IRAG2: variants seen among roughly 807,000 people sequenced by gnomAD.
IRAG2 encodes lymphoid restricted membrane protein.
In IRAG2, 45 loss-of-function variants were observed where a neutral mutation model predicts 69.9. The ratio of observed to expected loss-of-function variants is 0.64; its 90% CI spans 0.51 to 0.83. The LOEUF (loss-of-function observed/expected upper bound fraction) is 0.83, where lower values mean the gene tolerates loss of function less well. Among genes scored for constraint, IRAG2 ranks in the 40% least tolerant of loss-of-function variants. The pLI, the probability that IRAG2 is intolerant of heterozygous loss-of-function variation, is 0.00. For missense variants in IRAG2, 520 were observed against 587.0 expected, an observed-to-expected ratio of 0.89 and a Z score of 1.18; for synonymous variants, 193 against 202.4, an observed-to-expected ratio of 0.95 and a Z score of 0.40.
chr12:25,037,566 T>C (rs1048881692), intron 15 of IRAG2, among the ~76,000 whole-genome samples: 1 of 152,218 alleles, frequency 6.6e-6, no homozygotes, highest in Non-Finnish European at 1.5e-5. Context: ...CCCAAAGTGC[T>C]GGGATTACAG....
At chr12:25,029,935 A>C (rs923405711) in intron 9 of IRAG2, among the ~76,000 whole-genome samples, 1 of 152,180 alleles carries the variant, frequency 6.6e-6, no homozygotes, top group Admixed American at 6.5e-5. Context: ...ATTTTCACCA[A>C]AAAAGTGAAG....
chr12:25,030,806 G>A (rs1944662762), intron 10 of IRAG2, among the ~76,000 whole-genome samples: 1 of 152,222 alleles, frequency 6.6e-6, no homozygotes, highest in Non-Finnish European at 1.5e-5. Flanking sequence ...ACAAATATTA[G>A]TGTGCCAATC....
intron 9 of IRAG2, among the ~76,000 whole-genome samples, chr12:25,028,391 TTTTA>T (rs1230720175): frequency 2.6e-5 from 4 of 152,208 alleles, no homozygotes; most frequent in Admixed American, 6.5e-5. Flanking sequence ...TTGTGTCTGA[TTTTA>T]TTTATTTCTA....
chr12:25,055,496 T>C (rs1234772860), intron 1 of IRAG2, among the ~76,000 whole-genome samples: 1 of 152,246 alleles, frequency 6.6e-6, no homozygotes, highest in Admixed American at 6.5e-5. Flanking sequence ...CTAGGGTACA[T>C]GTGTACAACG....
chr12:25,088,754 G>T (rs941412023), intron 11 of IRAG2, among the ~76,000 whole-genome samples: 4 of 152,190 alleles, frequency 2.6e-5, no homozygotes, highest in African/African-American at 9.7e-5. Flanking sequence ...AATACTATGT[G>T]AGGTGGTAAA....
chr12:25,063,224 G>A (rs761443720), intron 3 of IRAG2, among the ~76,000 whole-genome samples: 8 of 152,070 alleles, frequency 5.3e-5, no homozygotes, highest in African/African-American at 9.7e-5. Flanking sequence ...CACCACGCCC[G>A]GCTAATTTTT....
At chr12:25,041,745 G>A (rs1944751374) in intron 16 of IRAG2, among the ~76,000 whole-genome samples, 1 of 147,254 alleles carries the variant, frequency 6.8e-6, no homozygotes, top group Non-Finnish European at 1.5e-5. Flanking sequence ...GGTCTCAAGT[G>A]ATCTGCCCAC....
chr12:25,031,971 T>G (rs1406795424), intron 10 of IRAG2, among the ~76,000 whole-genome samples: 77 of 152,242 alleles, frequency 5.1e-4, no homozygotes, highest in Non-Finnish European at 1.5e-5. Context: ...CGTCCTTGTG[T>G]GTTTTTAATC....
chr12:25,012,143 C>CTTTTTTTTTTTTTTTTTT lies in IRAG2; in HGVS notation c.896+592_896+593insTTTTTTTTTTTTTTTTTT, dbSNP rs1944480147. 8.3e-5 allele frequency among the ~76,000 whole-genome samples: 2 copies of CTTTTTTTTTTTTTTTTTT among 24,096 alleles called. 1 individual carries two copies. 15.8% of individuals were successfully genotyped at this position (24,096 alleles called of 152,430 possible). On this transcript the variant is annotated intron_variant, in intron 3 of 38. Transcript: ENST00000636465. ...GTCTTCTTCCACAGAAAGCGAATTC[C>CTTTTTTTTTTTTTTTTTT]CTTTTTTTTTTTTTTTTTTTTTTTT...
chr12:25,046,053 A>T (rs770033958), intron 16 of IRAG2, among the ~76,000 whole-genome samples: 4 of 152,124 alleles, frequency 2.6e-5, no homozygotes, highest in Admixed American at 6.5e-5. Flanking sequence ...GGATGCAAGG[A>T]TGGTTCAATA....
At chr12:25,031,699 G>A (rs533704724) in intron 10 of IRAG2, among the ~76,000 whole-genome samples, 20 of 151,992 alleles carry the variant, frequency 1.3e-4, no homozygotes, top group Admixed American at 3.3e-4. Context: ...TTTCACTCTT[G>A]TTGCCCAGGC....
chr12:25,008,997 T>G lies in IRAG2; in HGVS notation c.689-2347T>G, dbSNP rs146790187. On this transcript the variant is annotated intron_variant, in intron 2 of 38. Transcript: ENST00000636465. ...AATCCATGTCAATTGGATATTAATT[T>G]TTTCTGCTTTAAAAATTATAATATG... Among the ~76,000 whole-genome samples the G allele has an allele frequency of 8.7e-4, 133 of 152,248 alleles. 1 individual carries two copies. Among genetic ancestry groups the G allele is most frequent in the African/African-American group, 3.0e-3 (125 of 41,552 alleles).
intron 2 of IRAG2, among the ~76,000 whole-genome samples, chr12:25,009,299 C>G (rs1201342205): frequency 6.6e-6 from 1 of 152,196 alleles, no homozygotes; most frequent in Admixed American, 6.5e-5. Flanking sequence ...GAGTGAGACT[C>G]TGTCTCAAAA....
chr12:25,031,089 C>T, intron 10 of IRAG2: 1 of 984,044 alleles, frequency 1.0e-6, no homozygotes, highest in Non-Finnish European at 1.2e-6. Context: ...CTTCCACAGT[C>T]CAAAACAGAG....
At chr12:25,029,677 T>A (rs1382222885) in intron 9 of IRAG2, among the ~76,000 whole-genome samples, 4 of 152,288 alleles carry the variant, frequency 2.6e-5, no homozygotes, top group African/African-American at 9.6e-5. Flanking sequence ...GTTTTTTTTT[T>A]TTATTTAAAT....
intron 9 of IRAG2, 67 bp from the exon 10 acceptor site, chr12:25,083,356 A>T: frequency 3.1e-6 from 3 of 966,652 alleles, no homozygotes; most frequent in Non-Finnish European, 5.1e-6. Context: ...TGCCACTCTC[A>T]CTGTTTCCTC....
intron 6 of IRAG2, 150 bp from the exon 7 acceptor site, chr12:25,079,094 C>A: frequency 1.4e-6 from 1 of 707,716 alleles, no homozygotes. Flanking sequence ...ATCCATCTGC[C>A]CTATACCATC....
At chr12:25,079,869 T>C (rs990470380) in intron 9 of IRAG2, 106 bp downstream of exon 9, 12 of 649,914 alleles carry the variant, frequency 1.8e-5, no homozygotes, top group Non-Finnish European at 2.6e-5. Flanking sequence ...TTATTTAATT[T>C]TTTTTGTAAA....
chr12:25,013,866 CTTTTTTTT>C (rs71063386), intron 3 of IRAG2, among the ~76,000 whole-genome samples: 7 of 79,530 alleles, frequency 8.8e-5, no homozygotes, highest in African/African-American at 3.0e-4. Context: ...TTTTCTTTTT[CTTTTTTTT>C]TTTTTTTTTT....
Sources: allele counts gnomAD v4.1 joint callset (sites outside exome capture counted in the v4.1 genomes callset), GRCh38; gene constraint gnomAD v4.1.1; transcripts MANE v1.5; gene names NCBI Gene and HGNC (gene_info 2026-07-23, HGNC 2026-07-21).